DNAH7: variants seen among roughly 807,000 people sequenced by gnomAD.
DNAH7 encodes the protein dynein axonemal heavy chain 7, also known as axonemal beta dynein heavy chain 7.
A neutral mutation model predicts 444.6 loss-of-function variants in DNAH7; 397 were observed. The ratio of observed to expected loss-of-function variants is 0.89; its 90% CI spans 0.82 to 0.97. DNAH7 has a LOEUF of 0.97. DNAH7 is among the 50% of genes least tolerant of loss of function. The probability of loss-of-function intolerance (pLI) is 0.00; values close to 1 mark genes in which losing one functional copy is unlikely to be tolerated. For missense variants in DNAH7, 4,902 were observed against 4,800.8 expected (o/e 1.02, Z -0.62); for synonymous variants, 1,636 against 1,624.4 (o/e 1.01, Z -0.17).
chr2:196,036,543 G>A (rs1285969487), intron 5 of DNAH7, among the ~76,000 whole-genome samples: 2 of 152,148 alleles, frequency 1.3e-5, no homozygotes, highest in Non-Finnish European at 2.9e-5. Context: ...GAGCCTAAGA[G>A]CAGTCTACCT....
intron 45 of DNAH7, 114 bp from the exon 46 acceptor site, chr2:195,853,642 G>C (rs1343924616): frequency 1.9e-6 from 2 of 1,062,472 alleles, no homozygotes; most frequent in East Asian, 2.7e-5. Flanking sequence ...CTTCTGCCTG[G>C]GATTTCCTAT....
chr2:195,761,042 C>G (rs1218156031), intron 61 of DNAH7, among the ~76,000 whole-genome samples: 2 of 151,826 alleles, frequency 1.3e-5, no homozygotes, highest in Admixed American at 6.6e-5. Context: ...ACCTTGCAGA[C>G]AGAGAATTCA....
At chr2:195,991,773 A>T (rs1235205006) in intron 12 of DNAH7, among the ~76,000 whole-genome samples, 1 of 152,210 alleles carries the variant, frequency 6.6e-6, no homozygotes, top group African/African-American at 2.4e-5. Flanking sequence ...TAATAGCAGC[A>T]ACCAATGGTA....
chr2:195,910,364 T>C (rs943264837), intron 24 of DNAH7, among the ~76,000 whole-genome samples, 169 bp from the exon 25 acceptor site: 2 of 152,222 alleles, frequency 1.3e-5, no homozygotes, highest in Non-Finnish European at 1.5e-5. Context: ...TTACTTTGTC[T>C]GTTATTATAT....
At chr2:196,043,887 T>G (rs1266578433) in intron 5 of DNAH7, among the ~76,000 whole-genome samples, 2 of 151,940 alleles carry the variant, frequency 1.3e-5, no homozygotes, top group African/African-American at 4.8e-5. Context: ...TGGCCATAAT[T>G]TAAAAATCAA....
At chr2:195,913,738 G>C (rs140296739) in intron 24 of DNAH7, among the ~76,000 whole-genome samples, 1 of 152,026 alleles carries the variant, frequency 6.6e-6, no homozygotes, top group South Asian at 2.1e-4. Flanking sequence ...GTTTTGAGAC[G>C]GAGTCTCGCT....
rs1697620042 is a variant in DNAH7 at position 195,824,462 on chromosome 2, A to G, written c.9101-17T>C. ...CTAGCAACACTGGAGTAAAATCAGAAAAGATTTCATGTTATTTTAAATATT... is the reference window on the plus strand; with the variant it reads ...CTAGCAACACTGGAGTAAAATCAGAGAAGATTTCATGTTATTTTAAATATT... On this transcript the variant is annotated splice_polypyrimidine_tract_variant and intron_variant, in intron 48 of 64. Transcript: ENST00000312428. 40 of 1,578,954 alleles carry G rather than the reference A, an allele frequency of 2.5e-5. No individual in the cohort carries two copies. Among genetic ancestry groups the G allele is most frequent in the Non-Finnish European group, 3.4e-5 (40 of 1,164,232 alleles).
intron 20 of DNAH7, among the ~76,000 whole-genome samples, chr2:195,935,908 G>C (rs1299360076): frequency 6.6e-6 from 1 of 152,148 alleles, no homozygotes; most frequent in Non-Finnish European, 1.5e-5. Context: ...TTGCAAAAAG[G>C]TTGGTGGGCT....
chr2:195,915,828 A>C lies in DNAH7; in HGVS notation c.3936-5633T>G, dbSNP rs569361799. Among the ~76,000 whole-genome samples, 471 of 152,242 alleles carry C rather than the reference A, an allele frequency of 3.1e-3. 3 individuals carry two copies. The highest frequency in any genetic ancestry group is 0.011 in the African/African-American group (452 of 41,536). On this transcript the variant is annotated intron_variant, in intron 24 of 64. Transcript: ENST00000312428. ...TGCTTAGCTTCAAGGAGCAGGAAATAATCAGTCATCTTCAAGCTAGGCTAC... is the reference window on the plus strand; with the variant it reads ...TGCTTAGCTTCAAGGAGCAGGAAATCATCAGTCATCTTCAAGCTAGGCTAC...
chr2:195,764,695 A>G (rs866687293), intron 61 of DNAH7, among the ~76,000 whole-genome samples: 12 of 152,042 alleles, frequency 7.9e-5, no homozygotes, highest in African/African-American at 2.2e-4. Context: ...AAAGACCTCT[A>G]TGATAAAAAC....
At chr2:195,786,130 T>G (rs1486565581) in intron 58 of DNAH7, among the ~76,000 whole-genome samples, 1 of 152,220 alleles carries the variant, frequency 6.6e-6, no homozygotes, top group Non-Finnish European at 1.5e-5. Context: ...GAACTCTCAG[T>G]ATTTATTTTG....
At chr2:195,965,652 T>C (rs918174099) in intron 17 of DNAH7, among the ~76,000 whole-genome samples, 1 of 152,176 alleles carries the variant, frequency 6.6e-6, no homozygotes, top group African/African-American at 2.4e-5. Flanking sequence ...TACTTGTTGT[T>C]GGTCTGTTCA....
intron 12 of DNAH7, among the ~76,000 whole-genome samples, chr2:195,997,111 C>T (rs1270854322): frequency 6.6e-6 from 1 of 152,212 alleles, no homozygotes; most frequent in Non-Finnish European, 1.5e-5. Flanking sequence ...CTAATATTCA[C>T]TATAGATTGT....
In DNAH7 at chr2:196,054,023, TGTTGG is replaced by T. The variant is rs1356225393; in HGVS notation, c.79-2779_79-2775del. Among the ~76,000 whole-genome samples the T allele has an allele frequency of 3.9e-5, 6 of 152,362 alleles. 1 individual carries two copies. In the South Asian group the frequency reaches 6.2e-4, roughly 16 times the overall value. On this transcript the variant is annotated intron_variant, in intron 2 of 64. Transcript: ENST00000312428. ...CTTCATGTGAGCAAGGCCTAATCTT[TGTTGG>T]GTTAAGTCTCTGAGATTTCGACTTC...
intron 23 of DNAH7, 59 bp from the exon 24 acceptor site, chr2:195,922,256 C>T (rs1184845383): frequency 6.8e-6 from 7 of 1,035,490 alleles, no homozygotes; most frequent in East Asian, 5.2e-5. Flanking sequence ...TATGAAATCT[C>T]AAGCTCTTTA....
chr2:196,019,131 C>T (rs779720007), intron 9 of DNAH7, 39 bp downstream of exon 9: 4 of 1,387,040 alleles, frequency 2.9e-6, no homozygotes, highest in Non-Finnish European at 3.8e-6. Flanking sequence ...CAACTTCCCT[C>T]TATATTTTAA....
chr2:195,907,652 A>AT (rs1472888830), intron 25 of DNAH7, among the ~76,000 whole-genome samples: 15 of 152,314 alleles, frequency 9.8e-5, no homozygotes, highest in East Asian at 3.9e-4. Context: ...TATCGAGTAC[A>AT]CTGTATGTGC....
chr2:195,955,966 GGAATT>G (rs1690622010), intron 19 of DNAH7, among the ~76,000 whole-genome samples: 1 of 151,940 alleles, frequency 6.6e-6, no homozygotes, highest in African/African-American at 2.4e-5. Context: ...CTTTAAATAT[GGAATT>G]AATTCCAGTG....
At chr2:195,933,280 G>A (rs531066910) in intron 21 of DNAH7, among the ~76,000 whole-genome samples, 1 of 152,296 alleles carries the variant, frequency 6.6e-6, no homozygotes, top group South Asian at 2.1e-4. Flanking sequence ...TGGAGAAATA[G>A]GAACACTTAC....
Sources: gnomAD v4.1 joint callset for allele counts (sites outside exome capture counted in the v4.1 genomes callset) on GRCh38, gnomAD v4.1.1 for gene constraint, MANE v1.5 for transcripts, NCBI Gene and HGNC (gene_info 2026-07-23, HGNC 2026-07-21) for gene names.